ERC2: variants seen among roughly 807,000 people sequenced by gnomAD.
ERC2 encodes ERC protein 2.
ERC2 carries 42 observed loss-of-function variants against 114.8 expected under a neutral mutation model. That is an observed-to-expected ratio of 0.37 (90% CI 0.29 to 0.47). ERC2 has a LOEUF of 0.47. Among genes scored for constraint, ERC2 ranks in the 20% least tolerant of loss-of-function variants. ERC2 has a pLI of 0.99. For missense variants in ERC2, 939 were observed against 1,150.7 expected (o/e 0.82, Z 2.66); for synonymous variants, 454 against 425.5 (o/e 1.07, Z -0.82).
At position 56,283,624 on chromosome 3, in the gene ERC2, G is replaced by T. The variant is rs538733614; in HGVS notation, c.1074+12395C>A. ...TCTATTTGAATATGGATGAGAAAAG[G>T]AGCATTTTAAAGAAGATCATTTGTC... is the stretch of plus-strand genomic sequence containing the variant. On this transcript the variant is annotated intron_variant, in intron 3 of 17. Transcript: ENST00000288221. Among the ~76,000 whole-genome samples the T allele has an allele frequency of 3.3e-5, 5 of 152,266 alleles. No homozygotes were observed. In the South Asian group the frequency reaches 8.3e-4, roughly 25 times the overall value.
Position 56,296,280 on chromosome 3 carries a change from G to A in ERC2, c.813C>T (p.Asp271=). 6.2e-7 allele frequency: 1 copy of A among 1,614,012 alleles called. No homozygotes were observed. The highest frequency in any genetic ancestry group is 1.3e-5 in the African/African-American group (1 of 75,050). Residue 271 remains aspartate, a synonymous_variant, in exon 3 of 18, where the codon GAC becomes GAT. Coordinates refer to ENST00000288221, the MANE Select transcript of ERC2 (RefSeq NM_015576.3). ...ENFRRLQAEH[D]RQAKELFLLR... is the part of the protein sequence containing the mutation. ...AAAGGAACAGCTCCTTAGCCTGCCT[G>A]TCATGCTCGGCTTGGAGCCGCCTAA...
intron 15 of ERC2, among the ~76,000 whole-genome samples, chr3:55,701,552 A>T (rs2063225938): frequency 6.6e-6 from 1 of 152,224 alleles, no homozygotes; most frequent in Admixed American, 6.5e-5. Flanking sequence ...AATGTTAAAA[A>T]AAAACTGTCT....
chr3:55,809,328 G>C (rs1012803564), intron 14 of ERC2, among the ~76,000 whole-genome samples: 2 of 152,026 alleles, frequency 1.3e-5, no homozygotes, highest in East Asian at 1.9e-4. Flanking sequence ...GTCTAGGCAA[G>C]GATTATATGG....
chr3:56,377,660 G>A (rs530909559), intron 2 of ERC2, among the ~76,000 whole-genome samples: 9 of 152,216 alleles, frequency 5.9e-5, no homozygotes, highest in East Asian at 1.9e-4. Context: ...AGATCATATC[G>A]TATTAAAAAT....
intron 3 of ERC2, among the ~76,000 whole-genome samples, chr3:56,267,697 T>G (rs1420888028): frequency 1.3e-5 from 2 of 152,016 alleles, no homozygotes; most frequent in Non-Finnish European, 2.9e-5. Context: ...GAGAATCACT[T>G]GAACCCAGGA....
At chr3:55,728,596 G>C (rs1300978956) in intron 15 of ERC2, among the ~76,000 whole-genome samples, 1 of 152,150 alleles carries the variant, frequency 6.6e-6, no homozygotes, top group Non-Finnish European at 1.5e-5. Flanking sequence ...AGTAAGGACT[G>C]GGGGGTGATG....
intron 2 of ERC2, among the ~76,000 whole-genome samples, chr3:56,336,316 G>T: frequency 6.6e-6 from 1 of 152,236 alleles, no homozygotes; most frequent in South Asian, 2.1e-4. Context: ...TTTATCAAGT[G>T]TTGTGGTTGG....
chr3:55,769,000 T>C (rs182724845), intron 14 of ERC2, among the ~76,000 whole-genome samples: 7 of 152,162 alleles, frequency 4.6e-5, no homozygotes, highest in East Asian at 1.9e-4. Context: ...AAATGAGACA[T>C]TGGATTGCAT....
At chr3:55,753,001 C>A (rs186740621) in intron 14 of ERC2, among the ~76,000 whole-genome samples, 4 of 152,264 alleles carry the variant, frequency 2.6e-5, no homozygotes, top group East Asian at 1.9e-4. Context: ...ATATTTATTT[C>A]ATTTCTAGGG....
intron 7 of ERC2, among the ~76,000 whole-genome samples, chr3:56,074,969 C>A (rs985301975): frequency 2.6e-5 from 4 of 152,130 alleles, no homozygotes; most frequent in African/African-American, 9.7e-5. Context: ...GCATCACATG[C>A]CAAGAATTTT....
At chr3:56,212,509 A>T (rs183235216) in intron 3 of ERC2, among the ~76,000 whole-genome samples, 1 of 152,338 alleles carries the variant, frequency 6.6e-6, no homozygotes, top group East Asian at 1.9e-4. Context: ...ACTGGTGGGA[A>T]TGTAAATTAA....
chr3:56,178,609 C>T (rs2083112824), intron 3 of ERC2, among the ~76,000 whole-genome samples: 1 of 152,156 alleles, frequency 6.6e-6, no homozygotes, highest in South Asian at 2.1e-4. Flanking sequence ...AGGAAAGGAA[C>T]ACTAAAATCT....
At chr3:55,972,239 T>C (rs1171281490) in intron 12 of ERC2, among the ~76,000 whole-genome samples, 1 of 152,222 alleles carries the variant, frequency 6.6e-6, no homozygotes, top group Non-Finnish European at 1.5e-5. Flanking sequence ...TGGGAAATGA[T>C]AACAAAATGC....
intron 7 of ERC2, among the ~76,000 whole-genome samples, chr3:56,074,596 T>G (rs574219516): frequency 8.5e-5 from 13 of 152,304 alleles, no homozygotes; most frequent in Admixed American, 7.2e-4. Context: ...ACCACATTTC[T>G]TTTTATTAAA....
intron 2 of ERC2, among the ~76,000 whole-genome samples, chr3:56,383,380 A>T (rs1328316225): frequency 1.3e-5 from 2 of 152,170 alleles, no homozygotes; most frequent in African/African-American, 4.8e-5. Context: ...CAGACTTCTG[A>T]TACTACTAAT....
chr3:55,779,772 G>T (rs745328359), intron 14 of ERC2, among the ~76,000 whole-genome samples: 9 of 152,138 alleles, frequency 5.9e-5, no homozygotes, highest in Non-Finnish European at 1.2e-4. Context: ...AGTCAAGAGA[G>T]GTAAATACAT....
At chr3:56,400,893 A>G (rs1037374600) in intron 2 of ERC2, among the ~76,000 whole-genome samples, 1 of 152,224 alleles carries the variant, frequency 6.6e-6, no homozygotes, top group Non-Finnish European at 1.5e-5. Context: ...GATGCCAATG[A>G]GAGAAACCCC....
intron 3 of ERC2, among the ~76,000 whole-genome samples, chr3:56,210,202 C>A (rs2048975285): frequency 2.0e-5 from 3 of 152,276 alleles, no homozygotes; most frequent in Admixed American, 2.0e-4. Flanking sequence ...GCAAGGGATT[C>A]TAGTCAGTTG....
chr3:56,090,483 T>C (rs1278036282), intron 6 of ERC2, among the ~76,000 whole-genome samples: 3 of 152,064 alleles, frequency 2.0e-5, no homozygotes, highest in African/African-American at 4.8e-5. Context: ...GGTTGTAAGG[T>C]TGGAGGTAGT....
Sources: gnomAD v4.1 joint callset for allele counts (sites outside exome capture counted in the v4.1 genomes callset) on GRCh38, gnomAD v4.1.1 for gene constraint, MANE v1.5 for transcripts, NCBI Gene and HGNC (gene_info 2026-07-23, HGNC 2026-07-21) for gene names.